Variants in UBN2 observed in about 807,000 individuals in gnomAD.
UBN2 encodes the protein ubinuclein 2.
A neutral mutation model predicts 120.2 loss-of-function variants in UBN2; 35 were observed. The observed-to-expected ratio is 0.29, with a 90% CI of 0.22 to 0.39. UBN2 has a LOEUF of 0.39. UBN2 is among the 10% of genes least tolerant of loss of function. The pLI is 1.00. For synonymous variants in UBN2, 661 were observed against 648.7 expected, an observed-to-expected ratio of 1.02 and a Z score of -0.29; for missense variants, 1,693 against 1,663.2, an observed-to-expected ratio of 1.02 and a Z score of -0.31.
At chr7:139,259,899 T>A (rs1345682827) in intron 5 of UBN2, among the ~76,000 whole-genome samples, 1 of 151,786 alleles carries the variant, frequency 6.6e-6, no homozygotes, top group Non-Finnish European at 1.5e-5. Flanking sequence ...CAGGTGTATG[T>A]CATCACACCC....
In UBN2 at chr7:139,297,771, C is replaced by T. The variant is rs370205173; in HGVS notation, c.3995-16C>T. On this transcript the variant is annotated splice_polypyrimidine_tract_variant and intron_variant, in intron 17 of 17. Coordinates refer to ENST00000473989, the MANE Select transcript of UBN2 (RefSeq NM_173569.4). The stretch of plus-strand genomic sequence containing the variant: ...AACATATGGACCCATACCAATTTAA[C>T]GTCTCTTTTTCTCAGATGGAGGCCA... The T allele has an allele frequency of 1.3e-5, 21 of 1,613,774 alleles. 1 individual carries two copies. The highest frequency in any genetic ancestry group is 6.6e-5 in the South Asian group (6 of 91,080).
Position 139,231,472 on chromosome 7 carries a change from CAG to C in UBN2, c.-11_-10del. The C allele has an allele frequency of 7.4e-7, 1 of 1,351,372 alleles. No homozygotes were observed. The highest frequency in any genetic ancestry group is 9.6e-7 in the Non-Finnish European group (1 of 1,045,182). The allele number at this position is 1,351,372 out of a possible 1,614,324, so 83.7% of individuals were successfully genotyped here. ...GCCGGCTCGAGCAAAAGCGGAGGGC[CAG>C]AACAGTGGGGATGGCGGAGCCGCGC... On this transcript the variant is annotated 5_prime_UTR_variant, in exon 1 of 18. Transcript: ENST00000473989.
intron 3 of UBN2, among the ~76,000 whole-genome samples, chr7:139,253,171 C>T (rs1380257115): frequency 6.6e-6 from 1 of 152,186 alleles, no homozygotes; most frequent in African/African-American, 2.4e-5. Flanking sequence ...TATTTATCTA[C>T]ACCCATTTGA....
intron 13 of UBN2, among the ~76,000 whole-genome samples, chr7:139,281,077 T>C (rs1383151035): frequency 6.6e-6 from 1 of 152,236 alleles, no homozygotes; most frequent in Non-Finnish European, 1.5e-5. Flanking sequence ...ACTAAAGTCT[T>C]AGTACCCTCC....
chr7:139,276,482 C>T, intron 12 of UBN2: 1 of 329,766 alleles, frequency 3.0e-6, no homozygotes, highest in Non-Finnish European at 5.7e-6. Flanking sequence ...CTACAGCCCT[C>T]TGTGTCCTGA....
rs1267465020 is a variant in UBN2, at chr7:139,307,112, T to TC, written c.*9278dup. 8.5e-5 allele frequency: 13 copies of TC among 152,358 alleles called. No homozygotes were observed. In the East Asian group the frequency reaches 2.5e-3, roughly 29 times the overall value. The allele number at this position is 152,358 out of a possible 1,614,324, so 9.4% of individuals were successfully genotyped here. ...GAGGAACTTCCCTCCAGTTACATCTTCCTCATACATTAGCCACCTCCACAC... is the reference window on the plus strand; with the variant it reads ...GAGGAACTTCCCTCCAGTTACATCTTCCCTCATACATTAGCCACCTCCACAC... On this transcript the variant is annotated 3_prime_UTR_variant, in exon 18 of 18. Coordinates refer to ENST00000473989, the MANE Select transcript of UBN2 (RefSeq NM_173569.4).
Position 139,308,025 on chromosome 7 carries a change from G to GTTTTTTTTTTTTTT in UBN2, c.*10192_*10205dup, listed in dbSNP as rs59386512. ...ACTCCTTCAGTGCAGGGATTTTTGTGTTTTTTTTTTTTTTTTAATTTTTTT... is the reference window on the plus strand; with the variant it reads ...ACTCCTTCAGTGCAGGGATTTTTGTGTTTTTTTTTTTTTTTTTTTTTTTTTTTTTTAATTTTTTT... On this transcript the variant is annotated 3_prime_UTR_variant, in exon 18 of 18. Transcript: ENST00000473989. The GTTTTTTTTTTTTTT allele has an allele frequency of 7.4e-6, 1 of 135,304 alleles. No homozygotes were observed. Among genetic ancestry groups the GTTTTTTTTTTTTTT allele is most frequent in the African/African-American group, 2.6e-5 (1 of 38,540 alleles). The allele number at this position is 135,304 out of a possible 1,614,324, so 8.4% of individuals were successfully genotyped here.
intron 7 of UBN2, among the ~76,000 whole-genome samples, chr7:139,269,173 C>T (rs1245286985): frequency 6.6e-6 from 1 of 152,122 alleles, no homozygotes; most frequent in Non-Finnish European, 1.5e-5. Flanking sequence ...TGCACCATTG[C>T]ACTCCAACCT....
intron 3 of UBN2, among the ~76,000 whole-genome samples, chr7:139,257,929 C>T (rs780675775): frequency 8.6e-5 from 13 of 151,832 alleles, no homozygotes; most frequent in Non-Finnish European, 1.5e-4. Flanking sequence ...GGGCTTACTA[C>T]GCCCAGCTAA....
chr7:139,310,371 C>T (rs1318024216), downstream of UBN2, among the ~76,000 whole-genome samples: 1 of 151,962 alleles, frequency 6.6e-6, no homozygotes, highest in Non-Finnish European at 1.5e-5. Flanking sequence ...GGATCTAATG[C>T]GTGCAAAGCA....
rs768191586 is a variant in UBN2, at chr7:139,269,363, A to G, written c.1467-31A>G. 66 of 1,608,190 alleles carry G rather than the reference A, an allele frequency of 4.1e-5. 1 individual carries two copies. The highest frequency in any genetic ancestry group is 3.3e-4 in the Middle Eastern group (2 of 6,054). On this transcript the variant is annotated intron_variant, in intron 7 of 17. Coordinates refer to ENST00000473989, the MANE Select transcript of UBN2 (RefSeq NM_173569.4). ...CAATGCCACCTAAAATAAATTCTAT[A>G]CTGTTCATTGTTGTTAACTTTTTTG... is the stretch of plus-strand genomic sequence containing the variant.
chr7:139,314,579 C>T, the UBN2 span, among the ~76,000 whole-genome samples: 1 of 151,656 alleles, frequency 6.6e-6, no homozygotes, highest in African/African-American at 2.4e-5. Flanking sequence ...TCTGTCTCCC[C>T]GGTTCAAGCT....
chr7:139,245,653 G>C (rs144649306), intron 2 of UBN2, among the ~76,000 whole-genome samples: 137 of 152,248 alleles, frequency 9.0e-4, no homozygotes, highest in African/African-American at 3.0e-3. Flanking sequence ...AAATCTCATA[G>C]GCAGCTATTT....
chr7:139,314,976 A>T, the UBN2 span, among the ~76,000 whole-genome samples: 55,685 of 147,614 alleles, frequency 0.38, 10,913 homozygotes, highest in Admixed American at 0.53. Flanking sequence ...AATAATAATA[A>T]TATTATTATT....
At chr7:139,277,102 G>A (rs1438417518) in intron 12 of UBN2, 1 of 151,914 alleles carries the variant, frequency 6.6e-6, no homozygotes, top group Non-Finnish European at 1.5e-5. Flanking sequence ...TATAAAATTA[G>A]CAAGTTACTG....
chr7:139,239,124 G>A (rs1011806914), intron 2 of UBN2, among the ~76,000 whole-genome samples: 2 of 152,078 alleles, frequency 1.3e-5, no homozygotes, highest in Admixed American at 1.3e-4. Flanking sequence ...CACTCCTGTG[G>A]TACTAGAGAT....
the UBN2 span, among the ~76,000 whole-genome samples, chr7:139,329,601 A>G: frequency 1.3e-5 from 2 of 152,170 alleles, no homozygotes; most frequent in African/African-American, 2.4e-5. Context: ...TCTAAGCCAT[A>G]GGAGTTTTTA....
At chr7:139,247,706 AT>A (rs1796508988) in intron 2 of UBN2, among the ~76,000 whole-genome samples, 1 of 152,194 alleles carries the variant, frequency 6.6e-6, no homozygotes, top group African/African-American at 2.4e-5. Flanking sequence ...TAACTTGTGA[AT>A]TTCTTGCAAA....
At position 139,261,664 on chromosome 7, in the gene UBN2, G is replaced by T; in HGVS notation, c.1318G>T (p.Val440Phe). The T allele has an allele frequency of 6.2e-7, 1 of 1,614,166 alleles. No individual in the cohort carries two copies. The highest frequency in any genetic ancestry group is 8.5e-7 in the Non-Finnish European group (1 of 1,180,040). The change falls in exon 6 of 18, where the codon GTT (valine) becomes TTT (phenylalanine). Residue 440 changes from valine (V) to phenylalanine (F), a missense_variant. Around this residue, in one of 5 missense-constraint regions of UBN2, gnomAD observed 663 missense variants for 591.2 expected, o/e 1.12. Transcript: ENST00000473989. The part of the protein sequence containing the change: ...TTTQPTYTSQ[V>F]MPKVVPTLPE... ...CACCCAGCCAACCTACACTTCTCAG[G>T]TTATGCCCAAAGTGGTACCTACACT...
Sources: allele counts gnomAD v4.1 joint callset (sites outside exome capture counted in the v4.1 genomes callset), GRCh38; gene constraint gnomAD v4.1.1; regional missense constraint gnomAD v4.1.1; transcripts MANE v1.5; gene names NCBI Gene and HGNC (gene_info 2026-07-23, HGNC 2026-07-21).